STK33: variants seen among roughly 807,000 people sequenced by gnomAD.
STK33 encodes serine/threonine kinase 33.
STK33 carries 52 observed loss-of-function variants against 58.0 expected under a neutral mutation model. The observed-to-expected ratio is 0.90, with a 90% CI of 0.72 to 1.13. The LOEUF (loss-of-function observed/expected upper bound fraction) is 1.13, where lower values mean the gene tolerates loss of function less well. Among genes scored for constraint, STK33 ranks in the 50% most tolerant of loss-of-function variants. The probability of loss-of-function intolerance (pLI) is 0.00; values close to 1 mark genes in which losing one functional copy is unlikely to be tolerated. For missense variants in STK33, 630 were observed against 604.2 expected (o/e 1.04, Z -0.45); for synonymous variants, 215 against 200.1 (o/e 1.07, Z -0.63).
intron 1 of STK33, among the ~76,000 whole-genome samples, chr11:8,558,535 G>GCATTTGA (rs1297552177): frequency 6.6e-6 from 1 of 152,000 alleles, no homozygotes; most frequent in African/African-American, 2.4e-5. Flanking sequence ...ATAGATATAG[G>GCATTTGA]CATTTGAAAG....
intron 1 of STK33, among the ~76,000 whole-genome samples, chr11:8,537,868 T>C (rs1955172520): frequency 6.7e-6 from 1 of 149,992 alleles, no homozygotes; most frequent in Non-Finnish European, 1.5e-5. Flanking sequence ...AAGTAACTAA[T>C]GAATCAGAAG....
chr11:8,435,417 A>C (rs765963186), intron 14 of STK33, 77 bp downstream of exon 14: 37 of 793,254 alleles, frequency 4.7e-5, no homozygotes, highest in Non-Finnish European at 6.3e-5. Context: ...AAGACTATGA[A>C]GAAAACTCCA....
chr11:8,498,962 C>G (rs1202328844), intron 1 of STK33, among the ~76,000 whole-genome samples: 2 of 152,182 alleles, frequency 1.3e-5, no homozygotes, highest in African/African-American at 4.8e-5. Flanking sequence ...AACGTAAGAC[C>G]TAAAACCATA....
intron 6 of STK33, among the ~76,000 whole-genome samples, chr11:8,470,728 G>C (rs566889032): frequency 3.9e-4 from 59 of 152,236 alleles, no homozygotes; most frequent in Admixed American, 1.0e-3. Flanking sequence ...CAGGGACTAG[G>C]AAGGGCCAAG....
the STK33 span, among the ~76,000 whole-genome samples, chr11:8,372,744 C>T: frequency 6.6e-6 from 1 of 152,246 alleles, no homozygotes; most frequent in Non-Finnish European, 1.5e-5. Context: ...CACTACAGCC[C>T]TTAAGACAGC....
intron 1 of STK33, among the ~76,000 whole-genome samples, chr11:8,481,238 T>C (rs1003367396): frequency 3.3e-5 from 5 of 152,188 alleles, no homozygotes; most frequent in Non-Finnish European, 1.5e-5. Flanking sequence ...CTCTGCAAAC[T>C]TGACAACTCC....
chr11:8,547,072 C>T (rs1228599090), intron 1 of STK33, among the ~76,000 whole-genome samples: 1 of 152,214 alleles, frequency 6.6e-6, no homozygotes, highest in African/African-American at 2.4e-5. Context: ...TCCTCACTAG[C>T]ATCTGTTACT....
the STK33 span, among the ~76,000 whole-genome samples, chr11:8,365,511 C>T: frequency 6.6e-6 from 1 of 152,212 alleles, no homozygotes; most frequent in African/African-American, 2.4e-5. Flanking sequence ...TCCCCAGGGG[C>T]CTGACCCAGG....
intron 1 of STK33, among the ~76,000 whole-genome samples, chr11:8,566,632 C>T (rs1957462273): frequency 6.6e-6 from 1 of 152,194 alleles, no homozygotes; most frequent in South Asian, 2.1e-4. Flanking sequence ...AATAGTCATA[C>T]ATGCTTTTAC....
chr11:8,378,584 G>T, the STK33 span, among the ~76,000 whole-genome samples: 2 of 152,092 alleles, frequency 1.3e-5, no homozygotes, highest in African/African-American at 2.4e-5. Context: ...TCACCATCAC[G>T]AGAACAGCAT....
chr11:8,378,089 G>C, the STK33 span, among the ~76,000 whole-genome samples: 1 of 152,204 alleles, frequency 6.6e-6, no homozygotes, highest in Non-Finnish European at 1.5e-5. Context: ...ATTTATAAAG[G>C]AAAGAGGTTT....
chr11:8,429,694 A>G (rs1228468280), intron 14 of STK33, among the ~76,000 whole-genome samples: 1 of 152,050 alleles, frequency 6.6e-6, no homozygotes, highest in Non-Finnish European at 1.5e-5. Flanking sequence ...CCTGGCAAAC[A>G]ATGCATCCAC....
chr11:8,379,168 C>T, the STK33 span, among the ~76,000 whole-genome samples: 2 of 152,104 alleles, frequency 1.3e-5, no homozygotes, highest in Admixed American at 1.3e-4. Flanking sequence ...AGACTTGAAT[C>T]TAAGACCTGA....
chr11:8,509,832 C>T (rs2139412877), intron 1 of STK33, among the ~76,000 whole-genome samples: 1 of 152,280 alleles, frequency 6.6e-6, no homozygotes, highest in South Asian at 2.1e-4. Flanking sequence ...CTACAAGGGC[C>T]ATTATTTCAT....
At chr11:8,403,525 C>G (rs1021608785) in intron 15 of STK33, among the ~76,000 whole-genome samples, 3 of 152,190 alleles carry the variant, frequency 2.0e-5, no homozygotes, top group African/African-American at 2.4e-5. Context: ...CTGAGTGCTG[C>G]ATTCAGGACG....
intron 1 of STK33, among the ~76,000 whole-genome samples, chr11:8,543,194 A>G (rs1010930832): frequency 1.3e-5 from 2 of 152,220 alleles, no homozygotes; most frequent in Non-Finnish European, 2.9e-5. Flanking sequence ...ATGGTTTTCC[A>G]AGGAATCTAA....
intron 1 of STK33, among the ~76,000 whole-genome samples, chr11:8,491,934 C>G (rs557356635): frequency 6.6e-6 from 1 of 152,222 alleles, no homozygotes; most frequent in Non-Finnish European, 1.5e-5. Context: ...TAAAAGAGCT[C>G]CTGAAGGAAG....
chr11:8,348,064 C>G, the STK33 span, among the ~76,000 whole-genome samples: 1 of 152,222 alleles, frequency 6.6e-6, no homozygotes, highest in African/African-American at 2.4e-5. Context: ...CCAACCCCAT[C>G]TGGGTGACTG....
At chr11:8,555,494 A>G (rs141870908) in intron 1 of STK33, among the ~76,000 whole-genome samples, 241 of 152,034 alleles carry the variant, frequency 1.6e-3, no homozygotes, top group African/African-American at 4.5e-3. Flanking sequence ...CAAAACCCCC[A>G]TCTCTACTAA....
Sources: gnomAD v4.1 joint callset for allele counts (sites outside exome capture counted in the v4.1 genomes callset) on GRCh38, gnomAD v4.1.1 for gene constraint, MANE v1.5 for transcripts, NCBI Gene and HGNC (gene_info 2026-07-23, HGNC 2026-07-21) for gene names.